The following EYA1 variants were observed in gnomAD, a reference collection of about 807,000 sequenced individuals.
EYA1 encodes the protein protein phosphatase EYA1.
Under a neutral mutation model 82.0 loss-of-function variants are expected in EYA1, and 16 were observed. The observed-to-expected ratio is 0.20, with a 90% CI of 0.13 to 0.30. The LOEUF is 0.30. EYA1 is among the 10% of genes least tolerant of loss of function. EYA1 has a pLI of 1.00. For synonymous variants in EYA1, 261 were observed against 264.4 expected (o/e 0.99, Z 0.12); for missense variants, 633 against 730.7 (o/e 0.87, Z 1.54).
intron 12 of EYA1, among the ~76,000 whole-genome samples, chr8:71,226,791 G>A (rs1282775963): frequency 2.6e-5 from 4 of 150,968 alleles, no homozygotes; most frequent in African/African-American, 7.3e-5. Flanking sequence ...ATACTATCTC[G>A]TACAAGATCC....
chr8:71,472,750 T>C (rs1411113971), intron 2 of EYA1, among the ~76,000 whole-genome samples: 3 of 148,422 alleles, frequency 2.0e-5, no homozygotes, highest in Admixed American at 7.0e-5. Context: ...ACCATGCAAG[T>C]ATGTATTGAA....
At chr8:71,472,809 A>ATC (rs1199166899) in intron 2 of EYA1, among the ~76,000 whole-genome samples, 2 of 147,852 alleles carry the variant, frequency 1.4e-5, no homozygotes, top group Non-Finnish European at 3.0e-5. Flanking sequence ...ATATATATAT[A>ATC]TATATCTGTC....
intron 2 of EYA1, among the ~76,000 whole-genome samples, chr8:71,525,386 A>G (rs1426013882): frequency 6.6e-6 from 1 of 152,210 alleles, no homozygotes; most frequent in Non-Finnish European, 1.5e-5. Context: ...ACTTAAGGAA[A>G]TTTCATGAAT....
At chr8:71,495,767 A>G (rs963078933) in intron 2 of EYA1, among the ~76,000 whole-genome samples, 8 of 152,170 alleles carry the variant, frequency 5.3e-5, no homozygotes, top group African/African-American at 1.9e-4. Context: ...CTCCTCCACC[A>G]ATCAATAAAA....
chr8:71,525,927 C>T (rs148832648), intron 2 of EYA1, among the ~76,000 whole-genome samples: 3 of 152,252 alleles, frequency 2.0e-5, no homozygotes. Flanking sequence ...TGCAAAATAG[C>T]GAAAGGACTG....
In EYA1 at chr8:71,452,322, C is replaced by T. The variant is rs186513126; in HGVS notation, c.33+83422G>A. 6.0e-3 allele frequency among the ~76,000 whole-genome samples: 918 copies of T among 152,330 alleles called. 10 individuals are homozygous for T. The highest frequency in any genetic ancestry group is 0.012 in the Admixed American group (181 of 15,310). ...ACAGCTCAAGGAGGCCTGCCTGCCT[C>T]TGTAGACTCCACCTCTGGGGGCAGG... is the stretch of plus-strand genomic sequence containing the variant. On this transcript the variant is annotated intron_variant, in intron 2 of 18. Transcript: ENST00000643681.
intron 3 of EYA1, among the ~76,000 whole-genome samples, chr8:71,340,017 G>A (rs778382023): frequency 6.6e-6 from 1 of 152,062 alleles, no homozygotes; most frequent in Non-Finnish European, 1.5e-5. Context: ...TAATTTCACA[G>A]CCACTATCCT....
At chr8:71,310,764 A>G (rs1182843768) in intron 7 of EYA1, among the ~76,000 whole-genome samples, 1 of 149,780 alleles carries the variant, frequency 6.7e-6, no homozygotes, top group Admixed American at 6.8e-5. Context: ...CATTTCCCCA[A>G]ATGAAGAAAA....
chr8:71,454,382 G>A (rs776731347), intron 2 of EYA1, among the ~76,000 whole-genome samples: 2 of 152,102 alleles, frequency 1.3e-5, no homozygotes, highest in Non-Finnish European at 2.9e-5. Context: ...TGTTAACAAG[G>A]ATATCCAGGA....
At position 71,269,787 on chromosome 8, in the gene EYA1, C is replaced by T. The variant is rs1816294423; in HGVS notation, c.1003G>A (p.Val335Ile). ...GACCCAGTAAGCAAGGAGTGGAAAA[C>T]AATGATTGTCTCATCCAAGTCCCAG... ...FIWDLDETII[V>I]FHSLLTGSYA... The change falls in exon 11 of 18, where the codon GTT becomes ATT. Residue 335 changes from valine to isoleucine, a missense_variant. By Grantham distance (29) the Val-to-Ile change is conservative. Coordinates refer to ENST00000340726, the MANE Select transcript of EYA1 (RefSeq NM_000503.6). 2 of 1,613,630 alleles carry T rather than the reference C, an allele frequency of 1.2e-6. No homozygotes were observed. The highest frequency in any genetic ancestry group is 2.7e-5 in the African/African-American group (2 of 74,908).
chr8:71,376,411 T>G (rs1242096353), intron 2 of EYA1, among the ~76,000 whole-genome samples: 4 of 152,190 alleles, frequency 2.6e-5, no homozygotes, highest in African/African-American at 9.7e-5. Context: ...GTGGCTTTTG[T>G]TTGTTTGCTT....
At chr8:71,394,605 T>C (rs1386645187) in intron 2 of EYA1, among the ~76,000 whole-genome samples, 1 of 152,264 alleles carries the variant, frequency 6.6e-6, no homozygotes, top group African/African-American at 2.4e-5. Flanking sequence ...TGGTTGTAGA[T>C]CTGTGGTATT....
chr8:71,426,174 G>C (rs1222384900), intron 2 of EYA1, among the ~76,000 whole-genome samples: 1 of 152,086 alleles, frequency 6.6e-6, no homozygotes, highest in Non-Finnish European at 1.5e-5. Context: ...TTAATCACAG[G>C]ATGAAAAACA....
chr8:71,515,590 G>T (rs986586511), intron 2 of EYA1, among the ~76,000 whole-genome samples: 1 of 152,126 alleles, frequency 6.6e-6, no homozygotes, highest in East Asian at 1.9e-4. Context: ...TCAAATAAAT[G>T]ATGGGAAACA....
At chr8:71,482,143 T>C (rs1385202916) in intron 2 of EYA1, among the ~76,000 whole-genome samples, 2 of 152,088 alleles carry the variant, frequency 1.3e-5, no homozygotes, top group Non-Finnish European at 2.9e-5. Context: ...TCACAAGACA[T>C]ATATCTAACA....
Position 71,361,739 on chromosome 8 carries a change from G to C in EYA1, c.-147C>G. The stretch of plus-strand genomic sequence containing the variant: ...CATTCCTGACATAGTTTTGCTCCTG[G>C]ATGGGTACGCGCGGGGGCTCTCAGG... On this transcript the variant is annotated 5_prime_UTR_variant, in exon 1 of 18. The change creates a new upstream start codon in the 5' untranslated region. Coordinates refer to ENST00000340726, the MANE Select transcript of EYA1 (RefSeq NM_000503.6). The C allele has an allele frequency of 1.0e-6, 1 of 985,510 alleles. No individual in the cohort carries two copies. The highest frequency in any genetic ancestry group is 1.2e-6 in the Non-Finnish European group (1 of 829,998). The allele number at this position is 985,510 out of a possible 1,614,324, so 61.0% of individuals were successfully genotyped here.
chr8:71,426,229 A>C (rs553547923), intron 2 of EYA1, among the ~76,000 whole-genome samples: 1 of 152,340 alleles, frequency 6.6e-6, no homozygotes, highest in Admixed American at 6.5e-5. Context: ...ATAACTTTTC[A>C]CTGAAATCTG....
chr8:71,362,699 C>T (rs1263496758), upstream of EYA1, among the ~76,000 whole-genome samples: 1 of 152,120 alleles, frequency 6.6e-6, no homozygotes, highest in Admixed American at 6.5e-5. Flanking sequence ...TGGCTATGAA[C>T]CAGATAATGT....
At chr8:71,261,891 T>G (rs912546636) in intron 11 of EYA1, among the ~76,000 whole-genome samples, 1 of 152,242 alleles carries the variant, frequency 6.6e-6, no homozygotes, top group Non-Finnish European at 1.5e-5. Flanking sequence ...CAGCCACTTT[T>G]TAGGCCTTTA....
Sources: allele counts gnomAD v4.1 joint callset (sites outside exome capture counted in the v4.1 genomes callset), GRCh38; gene constraint gnomAD v4.1.1; transcripts MANE v1.5; gene names NCBI Gene and HGNC (gene_info 2026-07-23, HGNC 2026-07-21).